Variants in IFT122 observed in about 807,000 individuals in gnomAD.
IFT122 encodes intraflagellar transport protein 122 homolog.
IFT122 carries 118 observed loss-of-function variants against 161.6 expected under a neutral mutation model. The observed-to-expected ratio is 0.73, with a 90% confidence interval of 0.63 to 0.85. IFT122 has a LOEUF of 0.85. Among genes scored for constraint, IFT122 ranks in the 40% least tolerant of loss-of-function variants. The pLI is 0.00. For synonymous variants in IFT122, 550 were observed against 602.4 expected (o/e 0.91, Z 1.27); for missense variants, 1,381 against 1,579.6 (o/e 0.87, Z 2.13).
chr3:129,504,120 T>G, intron 20 of IFT122, 199 bp from the exon 21 acceptor site: 1 of 578,556 alleles, frequency 1.7e-6, no homozygotes, highest in East Asian at 3.0e-5. Flanking sequence ...GCTTGCATAT[T>G]GCTGTTAATT....
intron 25 of IFT122, 105 bp from the exon 26 acceptor site, chr3:129,515,383 G>A (rs1420904103): frequency 1.1e-6 from 1 of 931,210 alleles, no homozygotes; most frequent in East Asian, 2.6e-5. Flanking sequence ...CACCCGGGTG[G>A]CCTTTCCTCT....
At chr3:129,519,778 T>C (rs760173190) in intron 29 of IFT122, 46 bp downstream of exon 29, 31 of 1,608,956 alleles carry the variant, frequency 1.9e-5, no homozygotes, top group Non-Finnish European at 2.4e-5. Flanking sequence ...CTTGGCCACT[T>C]TTCCCTTGCC....
rs2072774748 is a variant in IFT122, at chr3:129,440,318, A to G, written c.-13A>G. On this transcript the variant is annotated 5_prime_UTR_variant, in exon 1 of 30. Transcript: ENST00000348417. ...GGCGGGTAGGAGGAGCCCGAGCCGT[A>G]AGGGAAGCCGTGATGAGGGCCGTGT... 1 of 1,550,722 alleles carries G rather than the reference A, an allele frequency of 6.4e-7. No individual in the cohort carries two copies. Among genetic ancestry groups the G allele is most frequent in the Non-Finnish European group, 8.7e-7 (1 of 1,146,836 alleles).
intron 1 of IFT122, among the ~76,000 whole-genome samples, chr3:129,442,216 C>G (rs1017373448): frequency 6.6e-6 from 1 of 151,962 alleles, no homozygotes; most frequent in Admixed American, 6.6e-5. Context: ...TGTGGTACTT[C>G]CAGAGTCTGT....
At chr3:129,478,367 C>T in intron 12 of IFT122, 149 bp downstream of exon 12, 1 of 689,818 alleles carries the variant, frequency 1.4e-6, no homozygotes, top group South Asian at 1.7e-5. Flanking sequence ...CTTTCATTTT[C>T]CTGGCATCTG....
rs1487182530 is a variant in IFT122, at chr3:129,483,644, C to G, written c.1813C>G (p.Leu605Val). ...CTACAATGGCTCCAAGATCTTCTGC[C>G]TCCATGTCTTCTCCATTTCTGCCGT... ...VGYNGSKIFC[L>V]HVFSISAVEV... Residue 605 changes from leucine to valine, a missense_variant, in exon 15 of 30, where the codon CTC becomes GTC. Coordinates refer to ENST00000348417, the MANE Select transcript of IFT122 (RefSeq NM_052989.3). 3 of 1,611,004 alleles carry G rather than the reference C, an allele frequency of 1.9e-6. No individual in the cohort carries two copies. In the African/African-American group the frequency reaches 4.0e-5, roughly 22 times the overall value.
chr3:129,487,536 C>T (rs1410059140), intron 15 of IFT122: 1 of 157,404 alleles, frequency 6.4e-6, no homozygotes, highest in East Asian at 1.9e-4. Context: ...AGCAAGGCAA[C>T]CCCATCTTGT....
intron 3 of IFT122, among the ~76,000 whole-genome samples, chr3:129,454,539 G>GTGTGTGTT (rs1233351913): frequency 6.6e-5 from 10 of 151,566 alleles, no homozygotes; most frequent in African/African-American, 2.4e-4. Flanking sequence ...GTGTGTGTGT[G>GTGTGTGTT]TGTGTGTGTG....
rs147017409 is a variant in IFT122 at position 129,489,321 on chromosome 3, C to G, written c.1992+924C>G. On this transcript the variant is annotated intron_variant, in intron 16 of 29. Transcript: ENST00000348417. ...TCTGGGACCTCAGGCCAGCCACTTT[C>G]CTTGGAGCCCCAGTCCTCCCAGTTC... Among the ~76,000 whole-genome samples the G allele has an allele frequency of 2.2e-3, 339 of 152,268 alleles. 1 individual carries two copies. Among genetic ancestry groups the G allele is most frequent in the African/African-American group, 7.7e-3 (319 of 41,536 alleles).
chr3:129,465,894 G>T (rs372346092), intron 7 of IFT122, among the ~76,000 whole-genome samples: 1 of 93,074 alleles, frequency 1.1e-5, no homozygotes, highest in Non-Finnish European at 1.8e-5. Flanking sequence ...CACCCGCCTC[G>T]GCCTCCCAAA....
At chr3:129,487,738 T>C (rs2079460093) in intron 15 of IFT122, 1 of 194,714 alleles carries the variant, frequency 5.1e-6, no homozygotes, top group East Asian at 1.3e-4. Flanking sequence ...GGGAGGCCGA[T>C]ACAACCCACC....
At chr3:129,470,725 C>T (rs1004722192) in intron 9 of IFT122, among the ~76,000 whole-genome samples, 1 of 152,042 alleles carries the variant, frequency 6.6e-6, no homozygotes, top group Non-Finnish European at 1.5e-5. Flanking sequence ...CATGTGCCAC[C>T]ATGTCCGGCT....
At chr3:129,451,011 C>T (rs1036562834) in intron 2 of IFT122, among the ~76,000 whole-genome samples, 5 of 152,020 alleles carry the variant, frequency 3.3e-5, no homozygotes, top group Non-Finnish European at 7.4e-5. Context: ...TGAGCCACCG[C>T]GCCCGGCCAG....
In IFT122 at chr3:129,504,352, A is replaced by T. The variant is rs1353407491; in HGVS notation, c.2581A>T (p.Lys861Ter). The part of the protein sequence containing the change: ...FALGEKHPEF[K>*]DDIYMPYAQW... ...TTTGGGTGAGAAGCATCCTGAGTTTAAGGATGACATCTACATGCCGTATGC... is the reference window on the plus strand; with the variant it reads ...TTTGGGTGAGAAGCATCCTGAGTTTTAGGATGACATCTACATGCCGTATGC... The change falls in exon 21 of 30, where the codon AAG becomes TAG. Residue 861 changes from lysine to a stop codon, truncating the protein, a stop_gained. Transcript: ENST00000348417. LOFTEE classifies it high-confidence loss of function. 6.2e-7 allele frequency: 1 copy of T among 1,613,952 alleles called. No individual in the cohort carries two copies. The highest frequency in any genetic ancestry group is 1.3e-5 in the African/African-American group (1 of 74,936).
At chr3:129,472,333 A>AT (rs1452368900) in intron 9 of IFT122, among the ~76,000 whole-genome samples, 71 of 146,586 alleles carry the variant, frequency 4.8e-4, no homozygotes, top group East Asian at 1.6e-3. Flanking sequence ...AAAAAAAAAA[A>AT]TTTTTTTTTT....
At chr3:129,466,587 C>G (rs570960896) in intron 7 of IFT122, among the ~76,000 whole-genome samples, 1 of 150,448 alleles carries the variant, frequency 6.6e-6, no homozygotes, top group Non-Finnish European at 1.5e-5. Flanking sequence ...CTGCAACCTC[C>G]GCCTCCCAGG....
At chr3:129,500,809 C>T (rs151238429) in intron 19 of IFT122, among the ~76,000 whole-genome samples, 107 of 152,234 alleles carry the variant, frequency 7.0e-4, no homozygotes, top group Middle Eastern at 3.4e-3. Flanking sequence ...GAAGGGCCTC[C>T]GATGCCAAAC....
chr3:129,478,143 G>GAATGCAT lies in IFT122; in HGVS notation c.1275_1276insAATGCAT (p.Val426AsnfsTer12). On this transcript the variant is annotated frameshift_variant, in exon 12 of 30. Transcript: ENST00000348417. LOFTEE classifies it high-confidence loss of function. ...AGGACTTATCAGACATGCATTACCG[G>GAATGCAT]GTAAAGGAGAAGATTATCAAGAAGT... 6.2e-7 allele frequency: 1 copy of GAATGCAT among 1,614,174 alleles called. No individual in the cohort carries two copies. The highest frequency in any genetic ancestry group is 8.5e-7 in the Non-Finnish European group (1 of 1,180,026).
chr3:129,486,344 C>T lies in IFT122; in HGVS notation c.1852-1913C>T, dbSNP rs540684336. On this transcript the variant is annotated intron_variant, in intron 15 of 29. Transcript: ENST00000348417. ...GAGCAACTCATTTCACTCTTTGGGG[C>T]CTCATTTCTTTTCTGTGAAATGGGG... 9.8e-5 allele frequency among the ~76,000 whole-genome samples: 15 copies of T among 152,290 alleles called. 1 individual carries two copies. The East Asian group carries it at 1.4e-3, about 14-fold the overall frequency.
Sources: gnomAD v4.1 joint callset for allele counts (sites outside exome capture counted in the v4.1 genomes callset) on GRCh38, gnomAD v4.1.1 for gene constraint, MANE v1.5 for transcripts, NCBI Gene and HGNC (gene_info 2026-07-23, HGNC 2026-07-21) for gene names.